The following SDCCAG8 variants were observed in gnomAD, a reference collection of about 807,000 sequenced individuals.
The protein encoded by SDCCAG8 is serologically defined colon cancer antigen 8.
SDCCAG8 carries 74 observed loss-of-function variants against 101.8 expected under a neutral mutation model. The observed-to-expected ratio is 0.73, with a 90% confidence interval of 0.60 to 0.88. The LOEUF (loss-of-function observed/expected upper bound fraction) is 0.88, where lower values mean the gene tolerates loss of function less well. Ranked by LOEUF, SDCCAG8 falls within the 40% of genes least tolerant of loss-of-function variation. The pLI is 0.00. For missense variants in SDCCAG8, 787 were observed against 822.6 expected (o/e 0.96, Z 0.53); for synonymous variants, 281 against 292.9 (o/e 0.96, Z 0.41).
intron 15 of SDCCAG8, among the ~76,000 whole-genome samples, chr1:243,422,908 CT>C (rs2148032988): frequency 6.6e-6 from 1 of 152,190 alleles, no homozygotes; most frequent in Non-Finnish European, 1.5e-5. Context: ...CCTGAATTTT[CT>C]ATGAAAATGG....
At chr1:243,368,645 C>T (rs2077121471) in intron 12 of SDCCAG8, among the ~76,000 whole-genome samples, 1 of 152,136 alleles carries the variant, frequency 6.6e-6, no homozygotes, top group Admixed American at 6.5e-5. Flanking sequence ...CCTGGGATGT[C>T]TTTCCTACAG....
intron 17 of SDCCAG8, among the ~76,000 whole-genome samples, chr1:243,495,291 CG>C (rs1478387065): frequency 5.9e-5 from 9 of 152,216 alleles, no homozygotes; most frequent in Admixed American, 5.9e-4. Flanking sequence ...TGCTGTCTTA[CG>C]GAACGTCCCA....
rs759634630 is a variant in SDCCAG8, at chr1:243,274,567, A to T, written c.331A>T (p.Asn111Tyr). The change falls in exon 4 of 18, where the codon AAT becomes TAT. Residue 111 changes from asparagine to tyrosine, a missense_variant. Asn to Tyr is a moderately radical substitution (Grantham distance 143). Coordinates refer to ENST00000366541, the MANE Select transcript of SDCCAG8 (RefSeq NM_006642.5). ...GAGGTCATTAGAACATGAGGAAACC[A>T]ATATGCCTACTATGCACGACCTTGT... ...PLRSLEHEET[N>Y]MPTMHDLVHT... 3 of 1,603,884 alleles carry T rather than the reference A, an allele frequency of 1.9e-6. No individual in the cohort carries two copies. Among genetic ancestry groups the T allele is most frequent in the Non-Finnish European group, 2.6e-6 (3 of 1,171,598 alleles).
At chr1:243,419,755 A>AAT (rs2080857426) in intron 15 of SDCCAG8, among the ~76,000 whole-genome samples, 1 of 152,204 alleles carries the variant, frequency 6.6e-6, no homozygotes, top group African/African-American at 2.4e-5. Context: ...GCTAAAGAAA[A>AAT]TTCAAGCCAC....
At chr1:243,360,144 C>CTTTT (rs397860448) in intron 12 of SDCCAG8, among the ~76,000 whole-genome samples, 2 of 112,870 alleles carry the variant, frequency 1.8e-5, no homozygotes, top group Non-Finnish European at 3.5e-5. Flanking sequence ...GCAACAGTCT[C>CTTTT]TTTTTTTTTT....
At chr1:243,461,043 A>G (rs903292409) in intron 16 of SDCCAG8, among the ~76,000 whole-genome samples, 7 of 152,206 alleles carry the variant, frequency 4.6e-5, no homozygotes, top group African/African-American at 1.7e-4. Context: ...TACACATTTT[A>G]CTGGTACCTT....
chr1:243,453,535 G>A (rs1385795811), intron 16 of SDCCAG8, among the ~76,000 whole-genome samples: 1 of 152,190 alleles, frequency 6.6e-6, no homozygotes, highest in East Asian at 1.9e-4. Context: ...CTCTACAAGA[G>A]TGTGAATCAC....
intron 10 of SDCCAG8, among the ~76,000 whole-genome samples, chr1:243,340,103 G>A (rs557659764): frequency 6.6e-6 from 1 of 152,242 alleles, no homozygotes; most frequent in East Asian, 1.9e-4. Context: ...AGAGTCCATT[G>A]GAAAGCCATT....
chr1:243,318,199 T>A (rs1333795498), intron 9 of SDCCAG8: 1 of 395,662 alleles, frequency 2.5e-6, no homozygotes, highest in South Asian at 1.9e-5. Flanking sequence ...TCCGATCTTT[T>A]GCAGGAACAT....
chr1:243,496,010 A>T (rs1667763094), intron 17 of SDCCAG8, among the ~76,000 whole-genome samples: 1 of 152,206 alleles, frequency 6.6e-6, no homozygotes, highest in Admixed American at 6.5e-5. Flanking sequence ...GCAGAGAAAA[A>T]GAAAGAACCA....
chr1:243,347,255 T>C (rs774702870), intron 12 of SDCCAG8, among the ~76,000 whole-genome samples: 2 of 152,234 alleles, frequency 1.3e-5, no homozygotes, highest in Non-Finnish European at 2.9e-5. Context: ...ATTTTACTCA[T>C]AAATACCCAT....
At chr1:243,467,577 A>AT (rs1440632749) in intron 16 of SDCCAG8, among the ~76,000 whole-genome samples, 1 of 152,246 alleles carries the variant, frequency 6.6e-6, no homozygotes, top group African/African-American at 2.4e-5. Context: ...ACATTTCTTC[A>AT]TATCAGCATC....
At chr1:243,456,337 G>C (rs907093960) in intron 16 of SDCCAG8, among the ~76,000 whole-genome samples, 1 of 152,056 alleles carries the variant, frequency 6.6e-6, no homozygotes, top group East Asian at 1.9e-4. Context: ...GATGACCCAG[G>C]GTCACTGGGC....
chr1:243,325,674 T>C (rs948340112), intron 9 of SDCCAG8, among the ~76,000 whole-genome samples: 6 of 152,202 alleles, frequency 3.9e-5, no homozygotes, highest in Non-Finnish European at 1.5e-5. Flanking sequence ...AACTCCCTAC[T>C]CTCACCACTT....
chr1:243,432,106 A>C (rs1471810693), intron 16 of SDCCAG8, among the ~76,000 whole-genome samples: 1 of 152,216 alleles, frequency 6.6e-6, no homozygotes, highest in African/African-American at 2.4e-5. Flanking sequence ...ATTGATTTCT[A>C]TCTAATTTGA....
chr1:243,324,675 C>A (rs1421863880), intron 9 of SDCCAG8, among the ~76,000 whole-genome samples: 1 of 152,100 alleles, frequency 6.6e-6, no homozygotes, highest in Non-Finnish European at 1.5e-5. Context: ...CAATAGCTTT[C>A]TAATTGGTTT....
At chr1:243,266,332 T>C (rs1039679705) in intron 1 of SDCCAG8, among the ~76,000 whole-genome samples, 4 of 151,898 alleles carry the variant, frequency 2.6e-5, no homozygotes, top group African/African-American at 9.7e-5. Context: ...TTTTTTTTTT[T>C]TTATGAGACA....
chr1:243,375,215 A>G (rs538891332), intron 12 of SDCCAG8, among the ~76,000 whole-genome samples: 4 of 152,242 alleles, frequency 2.6e-5, no homozygotes, highest in African/African-American at 9.6e-5. Context: ...AAGAAATAGC[A>G]GTATAAGTTT....
At chr1:243,498,440 T>C (rs74777638) in intron 17 of SDCCAG8, among the ~76,000 whole-genome samples, 26,634 of 152,088 alleles carry the variant, frequency 0.18, 2,666 homozygotes, top group East Asian at 0.28. Flanking sequence ...GTGCATGGGA[T>C]GGCAGGTTTA....
Sources: allele counts gnomAD v4.1 joint callset (sites outside exome capture counted in the v4.1 genomes callset), GRCh38; gene constraint gnomAD v4.1.1; transcripts MANE v1.5; gene names NCBI Gene and HGNC (gene_info 2026-07-23, HGNC 2026-07-21).